The following ODAD2 variants were observed in gnomAD, a reference collection of about 807,000 sequenced individuals.
The protein encoded by ODAD2 is outer dynein arm docking complex subunit 2, also known as outer dynein arm-docking complex subunit 2.
A neutral mutation model predicts 106.8 loss-of-function variants in ODAD2; 89 were observed. The observed-to-expected ratio is 0.83, with a 90% CI of 0.70 to 0.99. The LOEUF (loss-of-function observed/expected upper bound fraction) is 0.99, where lower values mean the gene tolerates loss of function less well. Ranked by LOEUF, ODAD2 falls within the 50% of genes least tolerant of loss-of-function variation. The pLI is 0.00. For missense variants in ODAD2, 1,168 were observed against 1,238.5 expected, an observed-to-expected ratio of 0.94 and a Z score of 0.85; for synonymous variants, 404 against 436.2, an observed-to-expected ratio of 0.93 and a Z score of 0.92.
At chr10:27,828,267 TATG>T (rs1564402707) in intron 19 of ODAD2, among the ~76,000 whole-genome samples, 1 of 152,162 alleles carries the variant, frequency 6.6e-6, no homozygotes, top group Non-Finnish European at 1.5e-5. Flanking sequence ...ACTTCCCTGA[TATG>T]ATGATTTCCC....
chr10:27,915,121 C>T (rs2133916021), intron 16 of ODAD2, among the ~76,000 whole-genome samples: 1 of 151,966 alleles, frequency 6.6e-6, no homozygotes, highest in South Asian at 2.1e-4. Flanking sequence ...GTAAAAGCCA[C>T]AATATAAATG....
chr10:27,984,152 T>C, intron 5 of ODAD2, 32 bp downstream of exon 5: 1 of 1,545,010 alleles, frequency 6.5e-7, no homozygotes, highest in Non-Finnish European at 8.9e-7. Context: ...AAAATGTAAA[T>C]AACATAAAAT....
chr10:27,973,286 G>A (rs1283820208), intron 7 of ODAD2, among the ~76,000 whole-genome samples: 2 of 151,992 alleles, frequency 1.3e-5, no homozygotes, highest in Non-Finnish European at 2.9e-5. Flanking sequence ...TTGAAGCCAG[G>A]AGTTCAACAC....
In ODAD2 at chr10:27,995,158, C is replaced by T. The variant is rs770097987; in HGVS notation, c.-16G>A. The T allele has an allele frequency of 6.2e-7, 1 of 1,613,960 alleles. No individual in the cohort carries two copies. The highest frequency in any genetic ancestry group is 8.5e-7 in the Non-Finnish European group (1 of 1,179,928). Reference sequence around the variant, plus strand: ...CCACACCCATGGGATCCACCGTGCTCAGACCTGAGCTTAGCACACGCACTA... The same window carrying T: ...CCACACCCATGGGATCCACCGTGCTTAGACCTGAGCTTAGCACACGCACTA... On this transcript the variant is annotated 5_prime_UTR_variant, in exon 2 of 20. Coordinates refer to ENST00000305242, the MANE Select transcript of ODAD2 (RefSeq NM_018076.5).
At chr10:27,822,223 C>T (rs1836668740) in intron 19 of ODAD2, among the ~76,000 whole-genome samples, 1 of 152,170 alleles carries the variant, frequency 6.6e-6, no homozygotes. Flanking sequence ...TTTTACATTT[C>T]CATTTAACAG....
At chr10:27,838,734 A>C (rs988975142) in intron 19 of ODAD2, among the ~76,000 whole-genome samples, 1 of 152,140 alleles carries the variant, frequency 6.6e-6, no homozygotes, top group Non-Finnish European at 1.5e-5. Context: ...TTTCCATTAA[A>C]AGGAGCAGCA....
At chr10:27,871,127 G>A (rs1335836819) in intron 17 of ODAD2, among the ~76,000 whole-genome samples, 2 of 152,116 alleles carry the variant, frequency 1.3e-5, no homozygotes, top group African/African-American at 2.4e-5. Flanking sequence ...ATTTTTTCGT[G>A]TGTCTATTGG....
intron 17 of ODAD2, among the ~76,000 whole-genome samples, chr10:27,868,653 A>T (rs1840631954): frequency 6.6e-6 from 1 of 152,078 alleles, no homozygotes; most frequent in Non-Finnish European, 1.5e-5. Flanking sequence ...GATACAGGGA[A>T]GGGAATAACA....
At chr10:27,866,601 A>G (rs1840455239) in intron 17 of ODAD2, among the ~76,000 whole-genome samples, 2 of 152,208 alleles carry the variant, frequency 1.3e-5, no homozygotes, top group Middle Eastern at 3.2e-3. Context: ...TACAAGAAAC[A>G]TGGTGCCAGC....
chr10:27,820,436 G>A (rs1311876673), intron 19 of ODAD2, among the ~76,000 whole-genome samples: 1 of 151,670 alleles, frequency 6.6e-6, no homozygotes, highest in East Asian at 2.0e-4. Flanking sequence ...TCAAGCATAT[G>A]AGTCATAATG....
chr10:27,976,442 G>A (rs563843530), intron 7 of ODAD2, among the ~76,000 whole-genome samples: 3 of 152,134 alleles, frequency 2.0e-5, no homozygotes, highest in African/African-American at 4.8e-5. Flanking sequence ...CAAAAATCAA[G>A]TGTATATTTA....
At chr10:27,918,190 C>A (rs775365330) in intron 16 of ODAD2, among the ~76,000 whole-genome samples, 6 of 151,732 alleles carry the variant, frequency 4.0e-5, no homozygotes, top group Non-Finnish European at 5.9e-5. Context: ...CTGCATAAAC[C>A]TGATACTAAC....
At chr10:27,898,139 T>C (rs1842971126) in intron 17 of ODAD2, among the ~76,000 whole-genome samples, 1 of 152,196 alleles carries the variant, frequency 6.6e-6, no homozygotes, top group Non-Finnish European at 1.5e-5. Context: ...AATGATAATA[T>C]TAAATTTGAC....
chr10:27,842,844 A>G (rs73604084), intron 19 of ODAD2, among the ~76,000 whole-genome samples: 1,988 of 152,330 alleles, frequency 0.013, 49 homozygotes, highest in African/African-American at 0.045. Context: ...AGCTAATTAT[A>G]CATATACCCT....
At chr10:27,879,772 T>C (rs2133549270) in intron 17 of ODAD2, among the ~76,000 whole-genome samples, 1 of 152,352 alleles carries the variant, frequency 6.6e-6, no homozygotes, top group South Asian at 2.1e-4. Context: ...TACTAACTCA[T>C]AATGAATGTA....
intron 19 of ODAD2, among the ~76,000 whole-genome samples, chr10:27,851,732 T>C (rs531751078): frequency 7.9e-4 from 120 of 152,108 alleles, no homozygotes; most frequent in Admixed American, 1.5e-3. Context: ...ACAAGGACAG[T>C]AAAAAGAGAA....
intron 2 of ODAD2, among the ~76,000 whole-genome samples, chr10:27,993,758 G>A (rs1217908319): frequency 6.6e-6 from 1 of 152,170 alleles, no homozygotes; most frequent in Non-Finnish European, 1.5e-5. Context: ...TGGTTTTGCT[G>A]CAGTTCTAAA....
At chr10:27,827,466 T>C (rs1401883132) in intron 19 of ODAD2, among the ~76,000 whole-genome samples, 1 of 150,492 alleles carries the variant, frequency 6.6e-6, no homozygotes, top group Non-Finnish European at 1.5e-5. Context: ...GTGTCCCAAA[T>C]GAGCTCTCAT....
chr10:27,910,213 G>T (rs867499529), intron 16 of ODAD2, among the ~76,000 whole-genome samples: 6 of 152,066 alleles, frequency 3.9e-5, no homozygotes, highest in South Asian at 2.1e-4. Context: ...ATAGCTCCTT[G>T]AGATCAGGAT....
Sources: gnomAD v4.1 joint callset for allele counts (sites outside exome capture counted in the v4.1 genomes callset) on GRCh38, gnomAD v4.1.1 for gene constraint, MANE v1.5 for transcripts, NCBI Gene and HGNC (gene_info 2026-07-23, HGNC 2026-07-21) for gene names.